ZNF439: variants seen among roughly 807,000 people sequenced by gnomAD.
ZNF439 encodes the protein zinc finger protein 439.
A neutral mutation model predicts 47.3 loss-of-function variants in ZNF439; 40 were observed. The ratio of observed to expected loss-of-function variants is 0.85; its 90% CI spans 0.66 to 1.10. The LOEUF (loss-of-function observed/expected upper bound fraction) is 1.10. ZNF439 is among the 50% of genes least tolerant of loss of function. The pLI is 0.00. For missense variants in ZNF439, 556 were observed against 601.1 expected, an observed-to-expected ratio of 0.93 and a Z score of 0.78; for synonymous variants, 171 against 198.8, an observed-to-expected ratio of 0.86 and a Z score of 1.18.
chr19:11,867,263 C>A (rs1976710939), intron 3 of ZNF439, 43 bp from the exon 4 acceptor site: 1 of 1,579,364 alleles, frequency 6.3e-7, no homozygotes, highest in African/African-American at 1.4e-5. Flanking sequence ...TATAAAATTA[C>A]TTATAAACAA....
intron 1 of ZNF439, among the ~76,000 whole-genome samples, chr19:11,853,574 T>G (rs911488186): frequency 6.6e-6 from 1 of 152,198 alleles, no homozygotes; most frequent in Non-Finnish European, 1.5e-5. Context: ...GTGATTGTCC[T>G]CAGTATACCT....
chr19:11,863,219 A>G (rs1976587659), intron 1 of ZNF439, among the ~76,000 whole-genome samples: 1 of 131,968 alleles, frequency 7.6e-6, no homozygotes, highest in Admixed American at 9.0e-5. Context: ...GCCGTGGCAC[A>G]GTCTCGGCTC....
At chr19:11,850,056 G>C (rs996904095) in intron 1 of ZNF439, 2 of 152,208 alleles carry the variant, frequency 1.3e-5, no homozygotes, top group African/African-American at 2.4e-5. Flanking sequence ...ACTTCACTTA[G>C]CTGGGAAGGT....
intron 1 of ZNF439, among the ~76,000 whole-genome samples, chr19:11,863,970 C>T (rs896504406): frequency 5.3e-5 from 8 of 151,500 alleles, no homozygotes; most frequent in Admixed American, 1.3e-4. Context: ...ATGATCTGTC[C>T]GCCTTGACCT....
In ZNF439 at chr19:11,868,679, A is replaced by G. The variant is rs777710617; in HGVS notation, c.*110A>G. Reference sequence around the variant, plus strand: ...ATGCAAGCAATGTGGTAAAGCCTTAATTGTTCCAGTTCCTTTCGATATCTA... The same window carrying G: ...ATGCAAGCAATGTGGTAAAGCCTTAGTTGTTCCAGTTCCTTTCGATATCTA... On this transcript the variant is annotated 3_prime_UTR_variant, in exon 4 of 4. Coordinates refer to ENST00000682736, the MANE Select transcript of ZNF439 (RefSeq NM_001348719.2). The G allele has an allele frequency of 5.3e-5, 65 of 1,217,436 alleles. No homozygotes were observed. Among genetic ancestry groups the G allele is most frequent in the Non-Finnish European group, 7.3e-5 (62 of 849,280 alleles). 75.4% of individuals were successfully genotyped at this position (1,217,436 alleles called of 1,614,324 possible). A position where few individuals can be genotyped will look rare whatever the true frequency, so the allele number is the denominator to read the frequency against.
chr19:11,850,608 T>C (rs749242319), intron 1 of ZNF439: 2 of 152,002 alleles, frequency 1.3e-5, no homozygotes, highest in African/African-American at 2.4e-5. Flanking sequence ...TACTCCAAAA[T>C]TGGAAGTTAT....
chr19:11,849,283 T>C lies in ZNF439; in HGVS notation c.63+353T>C. On this transcript the variant is annotated intron_variant, in intron 1 of 3. Coordinates refer to ENST00000682736, the MANE Select transcript of ZNF439 (RefSeq NM_001348719.2). ...GCAGCGGTCTGTGGGGCCCACAGCC[T>C]CCACTTTCTCCTGTTAAAAATTATA... 3 of 1,005,612 alleles carry C rather than the reference T, an allele frequency of 3.0e-6. No individual in the cohort carries two copies. In the South Asian group the frequency reaches 1.2e-4, roughly 41 times the overall value. 62.3% of individuals were successfully genotyped at this position (1,005,612 alleles called of 1,614,324 possible).
chr19:11,862,443 G>C (rs926279575), intron 1 of ZNF439, among the ~76,000 whole-genome samples: 1 of 151,624 alleles, frequency 6.6e-6, no homozygotes, highest in Non-Finnish European at 1.5e-5. Context: ...GACTCACCTT[G>C]TTTGATTCTA....
chr19:11,868,094 A>G lies in ZNF439; in HGVS notation c.1040A>G (p.Gln347Arg), dbSNP rs1176702828. The change falls in exon 4 of 4, where the codon CAA becomes CGA. Residue 347 changes from glutamine to arginine, a missense_variant. Transcript: ENST00000682736. ...GCATTATCCTCTCTTACAAGTTTTC[A>G]AACACACATAAGAATGCACTCTGGA... ...GKALSSLTSF[Q>R]THIRMHSGER... 1 of 1,614,226 alleles carries G rather than the reference A, an allele frequency of 6.2e-7. No individual in the cohort carries two copies. Among genetic ancestry groups the G allele is most frequent in the Admixed American group, 1.7e-5 (1 of 60,020 alleles).
chr19:11,867,670 A>C lies in ZNF439; in HGVS notation c.616A>C (p.Ile206Leu), dbSNP rs772083513. Reference protein sequence around the residue: ...CGKNIIYHSSIQRHMVVHSGD... With the variant: ...CGKNIIYHSSLQRHMVVHSGD... ...AAAAAACATTATTTACCATTCAAGC[A>C]TTCAAAGACACATGGTAGTGCACAG... Residue 206 changes from isoleucine (I) to leucine (L), a missense_variant, in exon 4 of 4, where the codon ATT becomes CTT. By Grantham distance (5) the Ile-to-Leu change is conservative (BLOSUM62 2). Coordinates refer to ENST00000682736, the MANE Select transcript of ZNF439 (RefSeq NM_001348719.2). 2.5e-6 allele frequency: 4 copies of C among 1,614,196 alleles called. No homozygotes were observed. The highest frequency in any genetic ancestry group is 3.4e-6 in the Non-Finnish European group (4 of 1,180,030).
intron 1 of ZNF439, chr19:11,856,796 C>T (rs1457819311): frequency 6.6e-6 from 1 of 152,246 alleles, no homozygotes; most frequent in Non-Finnish European, 1.5e-5. Flanking sequence ...AGTTTATCTG[C>T]TCTATCATTA....
chr19:11,858,038 C>G (rs76021722), intron 1 of ZNF439: 3 of 152,114 alleles, frequency 2.0e-5, no homozygotes, highest in Admixed American at 6.5e-5. Context: ...ATGCTGACAG[C>G]GTAGGACTGT....
At position 11,868,501 on chromosome 19, in the gene ZNF439, G is replaced by T; in HGVS notation, c.1447G>T (p.Val483Phe). 6.2e-7 allele frequency: 1 copy of T among 1,611,806 alleles called. No individual in the cohort carries two copies. The highest frequency in any genetic ancestry group is 2.2e-5 in the East Asian group (1 of 44,644). The change falls in exon 4 of 4, where the codon GTC becomes TTC. Residue 483 changes from valine (V) to phenylalanine (F), a missense_variant. Physicochemically the swap from Val to Phe is conservative, Grantham distance 50. Transcript: ENST00000682736. ...CKKCGKAFRY[V>F]QNFRFHERTQ... ...GAAATGTGGGAAAGCCTTCAGATAT[G>T]TCCAGAACTTTCGATTTCATGAAAG...
rs774737812 is a variant in ZNF439, at chr19:11,867,435, C to T, written c.381C>T (p.Asp127=). The T allele has an allele frequency of 2.2e-5, 35 of 1,613,942 alleles. No individual in the cohort carries two copies. In the Admixed American group the frequency reaches 5.5e-4, roughly 25 times the overall value. The change falls in exon 4 of 4, where the codon GAC becomes GAT. Residue 127 remains aspartate (D), a synonymous_variant. Transcript: ENST00000682736. ...CTTCTCCTGAAGTAAAATCATGTGA[C>T]AGCTTTGTGTGTGAAGTTGGCCTAG... ...KKASPEVKSC[D]SFVCEVGLGN...
intron 1 of ZNF439, among the ~76,000 whole-genome samples, chr19:11,851,926 G>A (rs1231543385): frequency 2.0e-5 from 3 of 152,118 alleles, no homozygotes; most frequent in Non-Finnish European, 2.9e-5. Context: ...GGGATTGCAG[G>A]CGTTAGCCAG....
intron 1 of ZNF439, chr19:11,857,456 A>G (rs1264748971): frequency 6.6e-6 from 1 of 152,256 alleles, no homozygotes; most frequent in Non-Finnish European, 1.5e-5. Context: ...TTAGGTAGAA[A>G]GAGCCATTCT....
chr19:11,858,523 C>T (rs898367301), intron 1 of ZNF439, among the ~76,000 whole-genome samples: 8 of 151,424 alleles, frequency 5.3e-5, no homozygotes, highest in African/African-American at 1.5e-4. Context: ...CTAGGAATGA[C>T]GGCTGCAGAT....
intron 1 of ZNF439, among the ~76,000 whole-genome samples, chr19:11,863,532 C>T (rs1976596127): frequency 6.6e-6 from 1 of 152,054 alleles, no homozygotes; most frequent in Non-Finnish European, 1.5e-5. Flanking sequence ...GGGTACCAGT[C>T]CTTGATCAGA....
chr19:11,852,629 C>T (rs567816359), intron 1 of ZNF439, among the ~76,000 whole-genome samples: 4 of 152,308 alleles, frequency 2.6e-5, no homozygotes, highest in South Asian at 4.1e-4. Context: ...CCTGCCTTAG[C>T]CTCCCAAGTA....
Sources: gnomAD v4.1 joint callset for allele counts (sites outside exome capture counted in the v4.1 genomes callset) on GRCh38, gnomAD v4.1.1 for gene constraint, MANE v1.5 for transcripts, NCBI Gene and HGNC (gene_info 2026-07-23, HGNC 2026-07-21) for gene names.